Variants in SMARCA2 observed in about 807,000 individuals in gnomAD.
The protein encoded by SMARCA2 is SWI/SNF related BAF chromatin remodeling complex subunit ATPase 2, also known as SWI/SNF-related matrix-associated actin-dependent regulator of chromatin subfamily A member 2.
In SMARCA2, 61 loss-of-function variants were observed where a neutral mutation model predicts 199.8. The observed-to-expected ratio is 0.31, with a 90% CI of 0.25 to 0.38. The LOEUF is 0.38. Among genes scored for constraint, SMARCA2 ranks in the 10% least tolerant of loss-of-function variants. SMARCA2 has a pLI of 1.00. For missense variants in SMARCA2, 1,344 were observed against 2,012.2 expected, an observed-to-expected ratio of 0.67 and a Z score of 6.35; for synonymous variants, 935 against 732.0, an observed-to-expected ratio of 1.28 and a Z score of -4.48.
chr9:2,078,126 C>T (rs750031552), intron 14 of SMARCA2, among the ~76,000 whole-genome samples: 6 of 152,036 alleles, frequency 3.9e-5, no homozygotes, highest in Non-Finnish European at 7.4e-5. Flanking sequence ...GGTTTTATGC[C>T]GTGGATTGAA....
intron 3 of SMARCA2, among the ~76,000 whole-genome samples, chr9:2,038,037 T>C (rs1191196263): frequency 3.3e-5 from 5 of 152,238 alleles, no homozygotes; most frequent in East Asian, 1.9e-4. Context: ...CATTTAGATC[T>C]CTTATAAACC....
chr9:2,180,366 C>CTGTT (rs1333322279), intron 29 of SMARCA2, among the ~76,000 whole-genome samples: 31 of 152,192 alleles, frequency 2.0e-4, no homozygotes, highest in African/African-American at 7.0e-4. Context: ...TGCTAAGCAA[C>CTGTT]TGTTTGAGTT....
At chr9:2,192,514 A>G in intron 33 of SMARCA2, 190 bp from the exon 34 acceptor site, 1 of 624,656 alleles carries the variant, frequency 1.6e-6, no homozygotes, top group Non-Finnish European at 2.9e-6. Context: ...GTTTTTCAGT[A>G]AGAAAAACTT....
chr9:2,099,972 C>T (rs1469809011), intron 21 of SMARCA2, among the ~76,000 whole-genome samples: 1 of 152,150 alleles, frequency 6.6e-6, no homozygotes, highest in East Asian at 1.9e-4. Context: ...GAGGTATTGG[C>T]CACAGTCCAT....
intron 1 of SMARCA2, among the ~76,000 whole-genome samples, chr9:2,022,447 C>G (rs1165241277): frequency 1.3e-5 from 2 of 152,154 alleles, no homozygotes; most frequent in East Asian, 3.9e-4. Flanking sequence ...GGCATAGTAA[C>G]ATCATTAATG....
intron 27 of SMARCA2, among the ~76,000 whole-genome samples, chr9:2,136,067 C>T (rs1461571310): frequency 6.6e-6 from 1 of 150,546 alleles, no homozygotes; most frequent in Non-Finnish European, 1.5e-5. Context: ...GTCTCGAACT[C>T]CTGATCTCGT....
At chr9:2,172,853 G>A (rs948684317) in intron 29 of SMARCA2, among the ~76,000 whole-genome samples, 9 of 152,182 alleles carry the variant, frequency 5.9e-5, no homozygotes, top group Non-Finnish European at 8.8e-5. Context: ...AGATAGCCAA[G>A]AGAGGATCAT....
intron 31 of SMARCA2, among the ~76,000 whole-genome samples, chr9:2,182,747 G>T (rs533970319): frequency 6.9e-6 from 1 of 145,180 alleles, no homozygotes; most frequent in South Asian, 2.2e-4. Context: ...CGCCTGCCTC[G>T]GCCTCCCAAA....
chr9:2,029,378 ATAT>A (rs1818965726), intron 2 of SMARCA2, 131 bp downstream of exon 2: 1 of 1,290,906 alleles, frequency 7.7e-7, no homozygotes, highest in African/African-American at 1.5e-5. Context: ...TATATCTCAT[ATAT>A]TATTAAAAAC....
At position 2,192,882 on chromosome 9, in the gene SMARCA2, C is replaced by T. The variant is rs1268467415; in HGVS notation, c.*143C>T. The T allele has an allele frequency of 3.0e-6, 2 of 664,534 alleles. No individual in the cohort carries two copies. Among genetic ancestry groups the T allele is most frequent in the South Asian group, 3.7e-5 (2 of 53,630 alleles). The allele number at this position is 664,534 out of a possible 1,614,324, so 41.2% of individuals were successfully genotyped here. On this transcript the variant is annotated 3_prime_UTR_variant, in exon 34 of 34. Transcript: ENST00000349721. ...AAACTAGCTTTAGGATAGTGCCAGA[C>T]AAACATATGATATCATGGTGTAAAA...
Position 2,073,610 on chromosome 9 carries a change from AT to A in SMARCA2, c.1924del (p.Tyr642MetfsTer78). 6.2e-7 allele frequency: 1 copy of A among 1,609,810 alleles called. No homozygotes were observed. Among genetic ancestry groups the A allele is most frequent in the Non-Finnish European group, 8.5e-7 (1 of 1,176,256 alleles). ...TCTGACAGTGAAGAGAGTGATTCTG[AT>A]TATGAGGAAGAGGTATGTATGTATC... ...PRSDSEESDS[D>X]YEEEDEEEES... On this transcript the variant is annotated frameshift_variant, in exon 12 of 34. Transcript: ENST00000349721. LOFTEE classifies it high-confidence loss of function.
intron 7 of SMARCA2, among the ~76,000 whole-genome samples, chr9:2,057,891 A>G (rs537793714): frequency 6.6e-6 from 1 of 152,316 alleles, no homozygotes; most frequent in East Asian, 1.9e-4. Context: ...TAGAGCAGAA[A>G]AACATTACTT....
rs952717891 is a variant in SMARCA2 at position 2,193,047 on chromosome 9, G to A, written c.*308G>A. ...CTATGGGTGGGTCTAATTTGGTAAC[G>A]GTTTGATTGTGCCTGGTTTTATCAC... On this transcript the variant is annotated 3_prime_UTR_variant, in exon 34 of 34. Transcript: ENST00000349721. 6 of 282,824 alleles carry A rather than the reference G, an allele frequency of 2.1e-5. No homozygotes were observed. Among genetic ancestry groups the A allele is most frequent in the East Asian group, 6.8e-5 (1 of 14,600 alleles). 17.5% of individuals were successfully genotyped at this position (282,824 alleles called of 1,614,324 possible).
intron 9 of SMARCA2, among the ~76,000 whole-genome samples, chr9:2,063,086 A>G (rs963487496): frequency 6.6e-6 from 1 of 152,136 alleles, no homozygotes; most frequent in African/African-American, 2.4e-5. Context: ...CCTTCCTTGC[A>G]TGCTCTTGGG....
At chr9:2,168,515 T>C (rs557380095) in intron 28 of SMARCA2, among the ~76,000 whole-genome samples, 1 of 152,336 alleles carries the variant, frequency 6.6e-6, no homozygotes, top group African/African-American at 2.4e-5. Flanking sequence ...TTTCAAAATA[T>C]TGCCTTGTTC....
In SMARCA2 at chr9:2,119,035, T is replaced by C. The variant is rs142385193; in HGVS notation, c.3685-423T>C. 4.3e-3 allele frequency among the ~76,000 whole-genome samples: 653 copies of C among 152,348 alleles called. 3 individuals are homozygous for C. Among genetic ancestry groups the C allele is most frequent in the Non-Finnish European group, 6.2e-3 (422 of 68,030 alleles). ...GTAAGGATTTGAAAATAAGCATTTA[T>C]ATTTGGCATAAGGTAAATGGAATTA... On this transcript the variant is annotated intron_variant, in intron 25 of 33. Coordinates refer to ENST00000349721, the MANE Select transcript of SMARCA2 (RefSeq NM_003070.5). The surrounding 1 kb of genome is among the most constrained non-coding windows in gnomAD (Gnocchi z 4.6).
At chr9:2,176,565 G>A (rs1240128372) in intron 29 of SMARCA2, among the ~76,000 whole-genome samples, 4 of 152,088 alleles carry the variant, frequency 2.6e-5, no homozygotes, top group African/African-American at 9.6e-5. Context: ...TTTTGGTGGT[G>A]TTGAGACAAC....
intron 4 of SMARCA2, chr9:2,040,301 G>A (rs1819550703): frequency 3.1e-6 from 1 of 325,262 alleles, no homozygotes; most frequent in Non-Finnish European, 5.6e-6. Context: ...TTGTTGATTT[G>A]TTTATTTCTA....
intron 27 of SMARCA2, among the ~76,000 whole-genome samples, chr9:2,126,939 G>A (rs1823722710): frequency 6.6e-6 from 1 of 152,162 alleles, no homozygotes; most frequent in African/African-American, 2.4e-5. Context: ...CAGAGGCCTT[G>A]ATTCTTTTCC....
Sources: gnomAD v4.1 joint callset for allele counts (sites outside exome capture counted in the v4.1 genomes callset) on GRCh38, gnomAD v4.1.1 for gene constraint, Gnocchi (gnomAD v3.1) non-coding constraint, MANE v1.5 for transcripts, NCBI Gene and HGNC (gene_info 2026-07-23, HGNC 2026-07-21) for gene names.